The following RBM39 variants were observed in gnomAD, a reference collection of about 807,000 sequenced individuals.
RBM39 encodes RNA-binding protein 39.
Under a neutral mutation model 79.6 loss-of-function variants are expected in RBM39, and 12 were observed. The observed-to-expected ratio is 0.15, with a 90% CI of 0.10 to 0.24. RBM39 has a LOEUF of 0.24. Among genes scored for constraint, RBM39 ranks in the 10% least tolerant of loss-of-function variants. RBM39 has a pLI of 1.00. For synonymous variants in RBM39, 185 were observed against 208.4 expected (o/e 0.89, Z 0.97); for missense variants, 243 against 653.4 (o/e 0.37, Z 6.85).
chr20:35,709,869 T>G (rs1239737187), intron 12 of RBM39, among the ~76,000 whole-genome samples: 2 of 152,200 alleles, frequency 1.3e-5, no homozygotes, highest in African/African-American at 2.4e-5. Flanking sequence ...ACTTGATTAT[T>G]GATTTCCTGG....
At chr20:35,721,607 A>G (rs2037950258) in intron 9 of RBM39, 133 bp downstream of exon 9, 1 of 1,016,054 alleles carries the variant, frequency 9.8e-7, no homozygotes, top group East Asian at 2.6e-5. Flanking sequence ...TTGTCACAGA[A>G]ATTTTTATAA....
chr20:35,708,972 C>G (rs1295783910), intron 13 of RBM39: 3 of 363,542 alleles, frequency 8.3e-6, no homozygotes, highest in African/African-American at 2.1e-5. Context: ...AAAACAAAAA[C>G]AAGGTTGAAA....
At chr20:35,737,585 G>T (rs1190093768) in intron 3 of RBM39, among the ~76,000 whole-genome samples, 4 of 150,812 alleles carry the variant, frequency 2.7e-5, no homozygotes, top group African/African-American at 9.8e-5. Flanking sequence ...GACAGAGGCT[G>T]GGCACGGTGG....
chr20:35,721,081 CAG>C (rs2037879174), intron 9 of RBM39, among the ~76,000 whole-genome samples: 1 of 152,042 alleles, frequency 6.6e-6, no homozygotes, highest in African/African-American at 2.4e-5. Context: ...GCTGGGAACA[CAG>C]AGACGCACCA....
At chr20:35,720,491 A>C (rs575252405) in intron 9 of RBM39, among the ~76,000 whole-genome samples, 2 of 152,026 alleles carry the variant, frequency 1.3e-5, no homozygotes, top group African/African-American at 4.8e-5. Context: ...AAGTCAATGG[A>C]GGCCAGGTCC....
Position 35,702,796 on chromosome 20 carries a change from A to G in RBM39, c.*1685T>C, listed in dbSNP as rs894208170. On this transcript the variant is annotated 3_prime_UTR_variant, in exon 17 of 17. Transcript: ENST00000253363. ...AAATTAGCTGGGCACGGTGGTGCGC[A>G]CCTGTCCCAGCTCTTCAGGAGACTG... is the stretch of plus-strand genomic sequence containing the variant. 3 of 152,134 alleles carry G rather than the reference A, an allele frequency of 2.0e-5. No homozygotes were observed. The highest frequency in any genetic ancestry group is 6.6e-5 in the Admixed American group (1 of 15,244). 9.4% of individuals were successfully genotyped at this position (152,134 alleles called of 1,614,324 possible).
chr20:35,727,110 G>A (rs1039879522), intron 6 of RBM39, among the ~76,000 whole-genome samples: 9 of 151,950 alleles, frequency 5.9e-5, no homozygotes, highest in South Asian at 4.1e-4. Context: ...TTTTAAGGCC[G>A]GGAGTAGCGT....
Position 35,726,162 on chromosome 20 carries a change from C to G in RBM39, c.417-1007G>C, listed in dbSNP as rs555646331. 3.3e-5 allele frequency among the ~76,000 whole-genome samples: 5 copies of G among 152,120 alleles called. No individual in the cohort carries two copies. In the South Asian group the frequency reaches 1.0e-3, roughly 32 times the overall value. On this transcript the variant is annotated intron_variant, in intron 6 of 16. Transcript: ENST00000253363. ...TCTTTTTTTGTTTTTGAGATGGAGTCTCACTGTCACTCAGGCTGGAGTGCA... is the reference window on the plus strand; with the variant it reads ...TCTTTTTTTGTTTTTGAGATGGAGTGTCACTGTCACTCAGGCTGGAGTGCA...
Position 35,704,285 on chromosome 20 carries a change from T to C in RBM39, c.*196A>G. 2.1e-6 allele frequency: 1 copy of C among 469,758 alleles called. No homozygotes were observed. 29.1% of individuals were successfully genotyped at this position (469,758 alleles called of 1,614,324 possible). ...GGCAGAACAAGAGAACAGTTTTGTA[T>C]ACAGTGGGATTTACTATTTAGGGAG... On this transcript the variant is annotated 3_prime_UTR_variant, in exon 17 of 17. Transcript: ENST00000253363.
At chr20:35,733,269 C>T (rs183005075) in intron 3 of RBM39, among the ~76,000 whole-genome samples, 27 of 148,924 alleles carry the variant, frequency 1.8e-4, no homozygotes, top group Non-Finnish European at 3.0e-4. Flanking sequence ...TGCCATTGCA[C>T]TCCAGCCTGG....
chr20:35,708,899 G>A (rs2036074698), intron 13 of RBM39: 1 of 216,308 alleles, frequency 4.6e-6, no homozygotes, highest in East Asian at 1.2e-4. Context: ...GTTAATAAGA[G>A]AATACTTCAT....
At chr20:35,740,274 C>T (rs535045660) in intron 2 of RBM39, 8 of 187,948 alleles carry the variant, frequency 4.3e-5, no homozygotes, top group Non-Finnish European at 9.1e-5. Context: ...TGCCACTGGA[C>T]TGTTTTAAGA....
At chr20:35,714,122 GCTAC>G in intron 11 of RBM39, 59 bp downstream of exon 11, 1 of 1,508,516 alleles carries the variant, frequency 6.6e-7, no homozygotes. Context: ...AGTTTACATG[GCTAC>G]CTTTCTTTTC....
chr20:35,737,869 A>AAAAC, intron 3 of RBM39, among the ~76,000 whole-genome samples: 1 of 145,348 alleles, frequency 6.9e-6, no homozygotes, highest in African/African-American at 2.6e-5. Flanking sequence ...AAAAAAAAAA[A>AAAAC]AAGGCCAGGC....
chr20:35,731,491 G>A, intron 4 of RBM39: 1 of 43,454 alleles, frequency 2.3e-5, no homozygotes, highest in East Asian at 6.4e-3. Context: ...AACAGCCACG[G>A]TGACAGACTT....
intron 6 of RBM39, 95 bp from the exon 7 acceptor site, chr20:35,725,250 G>A (rs2038511528): frequency 2.4e-6 from 2 of 846,148 alleles, no homozygotes; most frequent in Non-Finnish European, 3.6e-6. Flanking sequence ...CAGGTTTTCA[G>A]GTACAGGTGG....
At position 35,701,386 on chromosome 20, in the gene RBM39, G is replaced by A. The variant is rs182844021; in HGVS notation, c.*3095C>T. ...GCTTACCGCAACTTCTGCCTCCTGT[G>A]TTCAAGCGTTTCTCCTGCCTCAGCC... On this transcript the variant is annotated 3_prime_UTR_variant, in exon 17 of 17. Transcript: ENST00000253363. 1.5e-4 allele frequency: 23 copies of A among 156,926 alleles called. No homozygotes were observed. Among genetic ancestry groups the A allele is most frequent in the Admixed American group, 6.3e-4 (10 of 15,962 alleles). 9.7% of individuals were successfully genotyped at this position (156,926 alleles called of 1,614,324 possible). A position where few individuals can be genotyped will look rare whatever the true frequency, so the allele number is the denominator to read the frequency against.
chr20:35,710,017 G>A (rs1054411831), intron 12 of RBM39, among the ~76,000 whole-genome samples: 1 of 152,126 alleles, frequency 6.6e-6, no homozygotes, highest in Non-Finnish European at 1.5e-5. Context: ...TCATATAATC[G>A]TTAGATTTCT....
intron 6 of RBM39, among the ~76,000 whole-genome samples, chr20:35,727,650 A>AT (rs149113488): frequency 0.12 from 15,183 of 130,012 alleles, 933 homozygotes; most frequent in South Asian, 0.2. Context: ...TAATTTTTGT[A>AT]TTTTTTTTTT....
Sources: gnomAD v4.1 joint callset for allele counts (sites outside exome capture counted in the v4.1 genomes callset) on GRCh38, gnomAD v4.1.1 for gene constraint, MANE v1.5 for transcripts, NCBI Gene and HGNC (gene_info 2026-07-23, HGNC 2026-07-21) for gene names.